Variants in DOK5 observed in about 807,000 individuals in gnomAD.
DOK5 encodes docking protein 5.
Under a neutral mutation model 43.3 loss-of-function variants are expected in DOK5, and 27 were observed. The ratio of observed to expected loss-of-function variants is 0.62; its 90% confidence interval spans 0.46 to 0.86. The LOEUF is 0.86. Ranked by LOEUF, DOK5 falls within the 40% of genes least tolerant of loss-of-function variation. The pLI is 0.00. For missense variants in DOK5, 373 were observed against 392.9 expected (o/e 0.95, Z 0.43); for synonymous variants, 146 against 140.1 (o/e 1.04, Z -0.30).
intron 1 of DOK5, among the ~76,000 whole-genome samples, chr20:54,481,193 G>A (rs868404355): frequency 1.5e-4 from 21 of 143,466 alleles, no homozygotes; most frequent in Admixed American, 8.3e-4. Flanking sequence ...TTTTTTTGGC[G>A]GAGTCTTGCT....
chr20:54,496,583 C>T (rs6098019), intron 1 of DOK5, among the ~76,000 whole-genome samples: 2,236 of 151,688 alleles, frequency 0.015, 47 homozygotes, highest in African/African-American at 0.051. Flanking sequence ...CTGGCCAACA[C>T]GGTGAAACCC....
intron 5 of DOK5, among the ~76,000 whole-genome samples, chr20:54,595,852 T>C (rs900243958): frequency 2.0e-5 from 3 of 152,152 alleles, no homozygotes; most frequent in Non-Finnish European, 4.4e-5. Flanking sequence ...CCCTGAGTAA[T>C]CTCTATTTTT....
At chr20:54,556,015 G>C (rs1026656574) in intron 2 of DOK5, among the ~76,000 whole-genome samples, 1 of 152,070 alleles carries the variant, frequency 6.6e-6, no homozygotes, top group East Asian at 1.9e-4. Flanking sequence ...ATGACACTTT[G>C]GTTTATATGA....
At chr20:54,599,242 C>T (rs6023395) in intron 5 of DOK5, among the ~76,000 whole-genome samples, 4,563 of 152,226 alleles carry the variant, frequency 0.03, 231 homozygotes, top group African/African-American at 0.1. Context: ...GGATCTAACA[C>T]AAGTTTGCTC....
chr20:54,610,332 G>A, intron 5 of DOK5, 56 bp from the exon 6 acceptor site: 2 of 1,435,548 alleles, frequency 1.4e-6, no homozygotes, highest in South Asian at 3.4e-5. Context: ...GGATCTTGGT[G>A]CATTGAACTT....
intron 1 of DOK5, among the ~76,000 whole-genome samples, chr20:54,508,390 G>A (rs1982891836): frequency 6.7e-6 from 1 of 150,242 alleles, no homozygotes; most frequent in African/African-American, 2.5e-5. Flanking sequence ...GTTCCAGGCA[G>A]ACAGAATTGC....
chr20:54,567,417 C>T (rs1259919588), intron 2 of DOK5, among the ~76,000 whole-genome samples: 1 of 152,076 alleles, frequency 6.6e-6, no homozygotes, highest in South Asian at 2.1e-4. Context: ...AATTATTCCA[C>T]TATCATTTGT....
intron 5 of DOK5, among the ~76,000 whole-genome samples, chr20:54,609,733 G>A (rs1039938664): frequency 5.3e-5 from 8 of 151,978 alleles, no homozygotes; most frequent in Non-Finnish European, 7.4e-5. Context: ...TACAGATACC[G>A]TTCTTCTTAA....
intron 1 of DOK5, among the ~76,000 whole-genome samples, chr20:54,535,351 A>T (rs1446033155): frequency 6.6e-6 from 1 of 151,428 alleles, no homozygotes; most frequent in Non-Finnish European, 1.5e-5. Flanking sequence ...CCCTTCTTTG[A>T]GACTGACATT....
rs201413313 is a variant in DOK5 at position 54,588,459 on chromosome 20, A to C, written c.175-24A>C. The C allele has an allele frequency of 3.1e-6, 5 of 1,604,070 alleles. No homozygotes were observed. The African/African-American group carries it at 5.3e-5, about 17-fold the overall frequency. ...GAGACATTCATTCAGGGAGTGTGTC[A>C]AACTTCTAATTGTTCATTTTCAGGT... On this transcript the variant is annotated intron_variant, in intron 2 of 7. Coordinates refer to ENST00000262593, the MANE Select transcript of DOK5 (RefSeq NM_018431.5).
chr20:54,547,723 A>C (rs559749406), intron 1 of DOK5, among the ~76,000 whole-genome samples: 7 of 152,340 alleles, frequency 4.6e-5, no homozygotes, highest in African/African-American at 9.6e-5. Flanking sequence ...ACCACCACCA[A>C]CAACAAAGTA....
intron 1 of DOK5, among the ~76,000 whole-genome samples, chr20:54,483,793 G>A (rs1468360899): frequency 6.6e-6 from 1 of 152,186 alleles, no homozygotes; most frequent in African/African-American, 2.4e-5. Context: ...TTTCTAGAAT[G>A]CAGATGGCTA....
Position 54,562,791 on chromosome 20 carries a change from A to G in DOK5, c.174+7751A>G, listed in dbSNP as rs186540969. Among the ~76,000 whole-genome samples the G allele has an allele frequency of 7.5e-4, 114 of 152,302 alleles. 1 individual carries two copies. Among genetic ancestry groups the G allele is most frequent in the African/African-American group, 2.7e-3 (111 of 41,570 alleles). Reference sequence around the variant, plus strand: ...AAGGTTAAAAAAAAAATCAAATGGTATTGAAGCGCTTATCATGAAAAGTAG... The same window carrying G: ...AAGGTTAAAAAAAAAATCAAATGGTGTTGAAGCGCTTATCATGAAAAGTAG... On this transcript the variant is annotated intron_variant, in intron 2 of 7. Transcript: ENST00000262593.
At chr20:54,588,301 G>A (rs552813009) in intron 2 of DOK5, among the ~76,000 whole-genome samples, 182 bp from the exon 3 acceptor site, 5 of 152,226 alleles carry the variant, frequency 3.3e-5, no homozygotes, top group East Asian at 3.9e-4. Flanking sequence ...CCATCCTTGC[G>A]GTGTGTTACA....
chr20:54,562,917 T>C (rs2146737753), intron 2 of DOK5, among the ~76,000 whole-genome samples: 1 of 152,306 alleles, frequency 6.6e-6, no homozygotes. Flanking sequence ...GATGTGACTT[T>C]ATTTGGAACT....
chr20:54,496,710 G>C (rs1010628363), intron 1 of DOK5, among the ~76,000 whole-genome samples: 1 of 145,558 alleles, frequency 6.9e-6, no homozygotes, highest in Non-Finnish European at 1.5e-5. Flanking sequence ...AGCTTGCAGT[G>C]AGCCGAGATC....
chr20:54,643,414 G>T, intron 6 of DOK5, 44 bp from the exon 7 acceptor site: 1 of 1,606,236 alleles, frequency 6.2e-7, no homozygotes, highest in Non-Finnish European at 8.5e-7. Context: ...GCCACTTTCG[G>T]CCCCAGTGTT....
intron 1 of DOK5, among the ~76,000 whole-genome samples, chr20:54,552,010 T>A (rs1984546960): frequency 6.6e-6 from 1 of 152,146 alleles, no homozygotes; most frequent in South Asian, 2.1e-4. Context: ...ATATTTTTAG[T>A]AGAGATGGGG....
chr20:54,590,957 A>G (rs920142617), intron 4 of DOK5, among the ~76,000 whole-genome samples: 8 of 152,244 alleles, frequency 5.3e-5, no homozygotes, highest in African/African-American at 1.9e-4. Context: ...CAGTTTATGT[A>G]GAATAATTTT....
Sources: allele counts gnomAD v4.1 joint callset (sites outside exome capture counted in the v4.1 genomes callset), GRCh38; gene constraint gnomAD v4.1.1; transcripts MANE v1.5; gene names NCBI Gene and HGNC (gene_info 2026-07-23, HGNC 2026-07-21).